Variants in CT83 observed in about 807,000 individuals in gnomAD.
The protein encoded by CT83 is cancer/testis antigen 83, also known as kita-kyushu lung cancer antigen 1.
A neutral mutation model predicts 1.7 loss-of-function variants in CT83; 3 were observed. The observed-to-expected ratio is 1.76, with a 90% CI of 0.80 to 4.55. The LOEUF (loss-of-function observed/expected upper bound fraction) is 4.55, where lower values mean the gene tolerates loss of function less well. Among genes scored for constraint, CT83 ranks in the 30% most tolerant of loss-of-function variants. The pLI, the probability that CT83 is intolerant of heterozygous loss-of-function variation, is 0.02. For missense variants in CT83, 80 were observed against 84.8 expected (o/e 0.94, Z 0.22); for synonymous variants, 35 against 33.0 (o/e 1.06, Z -0.20).
Position 116,462,952 on chromosome X carries a change from T to G in CT83, c.-96A>C. The G allele has an allele frequency of 2.4e-6, 2 of 847,815 alleles. No homozygotes were observed. Among genetic ancestry groups the G allele is most frequent in the Non-Finnish European group, 3.5e-6 (2 of 574,909 alleles). The allele number at this position is 847,815 out of a possible 1,213,427, so 69.9% of individuals were successfully genotyped here. ...TCTAGCCGCCTGGATTTGGGAAACT[T>G]TGGGCCAGGATGCCTGGTGTAACTG... On this transcript the variant is annotated 5_prime_UTR_variant, in exon 1 of 2. Coordinates refer to ENST00000371894, the MANE Select transcript of CT83 (RefSeq NM_001017978.4).
intron 1 of CT83, among the ~76,000 whole-genome samples, chrX:116,462,410 G>A (rs186897406): frequency 9.0e-6 from 1 of 111,628 alleles, no homozygotes; most frequent in Admixed American, 9.5e-5. Context: ...GGTGAGATTA[G>A]CAAACAGACA....
At chrX:116,462,584 G>C (rs1225466104) in intron 1 of CT83, among the ~76,000 whole-genome samples, 198 bp downstream of exon 1, 3 of 111,615 alleles carry the variant, frequency 2.7e-5, no homozygotes, top group African/African-American at 9.8e-5. Flanking sequence ...GACCAGAACT[G>C]TCGAATCACT....
chrX:116,462,956 G>T lies in CT83; in HGVS notation c.-100C>A. On this transcript the variant is annotated 5_prime_UTR_variant, in exon 1 of 2. Coordinates refer to ENST00000371894, the MANE Select transcript of CT83 (RefSeq NM_001017978.4). ...GCCGCCTGGATTTGGGAAACTTTGG[G>T]CCAGGATGCCTGGTGTAACTGGGAA... 1.3e-6 allele frequency: 1 copy of T among 771,446 alleles called. No individual in the cohort carries two copies. Among genetic ancestry groups the T allele is most frequent in the Non-Finnish European group, 2.0e-6 (1 of 507,622 alleles). 63.6% of individuals were successfully genotyped at this position (771,446 alleles called of 1,213,427 possible).
In CT83 at chrX:116,462,758, A is replaced by T. The variant is rs782101821; in HGVS notation, c.75+24T>A. On this transcript the variant is annotated intron_variant, in intron 1 of 1. Coordinates refer to ENST00000371894, the MANE Select transcript of CT83 (RefSeq NM_001017978.4). The stretch of plus-strand genomic sequence containing the variant: ...TACTCATCTAGCTTCATCTAATTCA[A>T]ATCTCCCTTACATTCACCATTACCT... 3.6e-5 allele frequency: 43 copies of T among 1,197,839 alleles called. No homozygotes were observed. The Admixed American group carries it at 9.4e-4, about 26-fold the overall frequency.
Position 116,462,931 on chromosome X carries a change from G to A in CT83, c.-75C>T. ...GTAGTTGGGAAGCAGTGGGCCTCTA[G>A]CCGCCTGGATTTGGGAAACTTTGGG... On this transcript the variant is annotated 5_prime_UTR_variant, in exon 1 of 2. Transcript: ENST00000371894. The A allele has an allele frequency of 9.7e-7, 1 of 1,026,030 alleles. No homozygotes were observed. The highest frequency in any genetic ancestry group is 1.4e-6 in the Non-Finnish European group (1 of 732,327). 84.6% of individuals were successfully genotyped at this position (1,026,030 alleles called of 1,213,427 possible).
At chrX:116,462,125 G>C in intron 1 of CT83, 118 bp from the exon 2 acceptor site, 1 of 569,196 alleles carries the variant, frequency 1.8e-6, no homozygotes, top group South Asian at 3.4e-5. Flanking sequence ...CTAATATGTC[G>C]AGATTAAAAA....
Position 116,461,773 on chromosome X carries a change from T to C in CT83, c.310A>G (p.Arg104Gly). 1 of 1,211,850 alleles carries C rather than the reference T, an allele frequency of 8.3e-7. No homozygotes were observed. Among genetic ancestry groups the C allele is most frequent in the Non-Finnish European group, 1.1e-6 (1 of 895,408 alleles). Residue 104 changes from arginine (R) to glycine (G), a missense_variant, in exon 2 of 2, where the codon AGA becomes GGA. By Grantham distance (125) the Arg-to-Gly change is moderately radical (BLOSUM62 -2). Coordinates refer to ENST00000371894, the MANE Select transcript of CT83 (RefSeq NM_001017978.4). ...GATTTCCGGTGAGGTGATGCACCTC[T>C]GAAACCCTTGCTAAGTAGAGTATGT... is the stretch of plus-strand genomic sequence containing the variant. ...LEHTLLSKGF[R>G]GASPHRKST
rs188661465 is a variant in CT83 at position 116,461,952 on chromosome X, G to A, written c.131C>T (p.Ser44Phe). The A allele has an allele frequency of 8.3e-7, 1 of 1,207,148 alleles. No homozygotes were observed. The highest frequency in any genetic ancestry group is 3.0e-5 in the East Asian group (1 of 33,727). ...NSTALALVRP[S>F]SSGLINSNTD... ...ATTGCTGTTAATTAACCCAGAAGAA[G>A]AGGGTCTCACTAGTGCAAGAGCAGT... The change falls in exon 2 of 2, where the codon TCT becomes TTT. Residue 44 changes from serine to phenylalanine, a missense_variant. Coordinates refer to ENST00000371894, the MANE Select transcript of CT83 (RefSeq NM_001017978.4).
chrX:116,461,975 A>T lies in CT83; in HGVS notation c.108T>A (p.Thr36=), dbSNP rs148767220. The T allele has an allele frequency of 1.7e-6, 2 of 1,210,006 alleles. No individual in the cohort carries two copies. Among genetic ancestry groups the T allele is most frequent in the Non-Finnish European group, 2.2e-6 (2 of 893,811 alleles). The change falls in exon 2 of 2, where the codon ACT becomes ACA. Residue 36 remains threonine (T), a synonymous_variant. Coordinates refer to ENST00000371894, the MANE Select transcript of CT83 (RefSeq NM_001017978.4). ...AAGAGGGTCTCACTAGTGCAAGAGC[A>T]GTTGAATTTGATGACATTTCGCCAG... is the stretch of plus-strand genomic sequence containing the variant. ...RNTGEMSSNS[T]ALALVRPSSS...
At chrX:116,462,645 T>G in intron 1 of CT83, 137 bp downstream of exon 1, 1 of 627,412 alleles carries the variant, frequency 1.6e-6, no homozygotes. Flanking sequence ...TGGGGCTCCT[T>G]TGAGCGAAAA....
rs12720093 is a variant in CT83 at position 116,461,711 on chromosome X, T to C, written c.*30A>G. On this transcript the variant is annotated 3_prime_UTR_variant, in exon 2 of 2. Coordinates refer to ENST00000371894, the MANE Select transcript of CT83 (RefSeq NM_001017978.4). ...TCTACTCAAAGTGTCTTTAATGATT[T>C]CCACCACTGGCATTACATCCTGTAC... is the stretch of plus-strand genomic sequence containing the variant. The C allele has an allele frequency of 2.9e-3, 3,492 of 1,196,775 alleles. 8 individuals are homozygous for C. Among genetic ancestry groups the C allele is most frequent in the Non-Finnish European group, 3.5e-3 (3,085 of 885,846 alleles).
At chrX:116,462,351 C>T (rs1243097233) in intron 1 of CT83, among the ~76,000 whole-genome samples, 1 of 111,641 alleles carries the variant, frequency 9.0e-6, no homozygotes, top group Non-Finnish European at 1.9e-5. Context: ...AATCCACATT[C>T]ACACTCGAAT....
intron 1 of CT83, 36 bp from the exon 2 acceptor site, chrX:116,462,043 C>A: frequency 9.0e-7 from 1 of 1,105,976 alleles, no homozygotes; most frequent in South Asian, 2.0e-5. Context: ...CGTAGTTTAT[C>A]GAATTAAGCA....
Position 116,461,995 on chromosome X carries a change from C to T in CT83, c.88G>A (p.Glu30Lys), listed in dbSNP as rs782474980. The T allele has an allele frequency of 8.3e-7, 1 of 1,208,368 alleles. No homozygotes were observed. Among genetic ancestry groups the T allele is most frequent in the Non-Finnish European group, 1.1e-6 (1 of 892,744 alleles). Residue 30 changes from glutamate to lysine, a missense_variant, in exon 2 of 2, where the codon GAA becomes AAA. Glu to Lys is a moderately conservative substitution (Grantham distance 56). Transcript: ENST00000371894. ...KYRRFQRNTGEMSSNSTALAL... is the reference protein window; with the variant it reads ...KYRRFQRNTGKMSSNSTALAL... ...AGAGCAGTTGAATTTGATGACATTT[C>T]GCCAGTGTTTCTCTGTAAAGAAAGG...
rs781799983 is a variant in CT83 at position 116,462,780 on chromosome X, A to G, written c.75+2T>C. 4.1e-6 allele frequency: 5 copies of G among 1,209,305 alleles called. No individual in the cohort carries two copies. The East Asian group carries it at 1.5e-4, about 36-fold the overall frequency. On this transcript the variant is annotated splice_donor_variant, in intron 1 of 1. Coordinates refer to ENST00000371894, the MANE Select transcript of CT83 (RefSeq NM_001017978.4). LOFTEE classifies it high-confidence loss of function. ...TCAAATCTCCCTTACATTCACCATT[A>G]CCTGAAAGCGGCGATATTTCCAGAA...
chrX:116,462,012 A>G lies in CT83; in HGVS notation c.76-5T>C, dbSNP rs782255184. On this transcript the variant is annotated splice_region_variant and splice_polypyrimidine_tract_variant and intron_variant, in intron 1 of 1. Coordinates refer to ENST00000371894, the MANE Select transcript of CT83 (RefSeq NM_001017978.4). ...TGACATTTCGCCAGTGTTTCTCTGT[A>G]AAGAAAGGGAATTATACATACGTAG... 2 of 1,201,663 alleles carry G rather than the reference A, an allele frequency of 1.7e-6. No individual in the cohort carries two copies. The highest frequency in any genetic ancestry group is 2.3e-6 in the Non-Finnish European group (2 of 886,793).
At position 116,461,856 on chromosome X, in the gene CT83, C is replaced by G. The variant is rs781946735; in HGVS notation, c.227G>C (p.Arg76Thr). The change falls in exon 2 of 2, where the codon AGG becomes ACG. Residue 76 changes from arginine to threonine, a missense_variant. Arg to Thr is a moderately conservative substitution (Grantham distance 71, BLOSUM62 -1). Transcript: ENST00000371894. ...ILNNFPHSIA[R>T]QKRILVNLSM... is the part of the protein sequence containing the mutation. ...GAGGTTTACCAATATTCGCTTCTGC[C>G]TGGCTATTGAGTGTGGGAAATTATT... The G allele has an allele frequency of 5.4e-5, 65 of 1,209,093 alleles. No individual in the cohort carries two copies. Among genetic ancestry groups the G allele is most frequent in the Non-Finnish European group, 7.2e-5 (64 of 894,950 alleles).
Position 116,462,001 on chromosome X carries a change from T to C in CT83, c.82A>G (p.Thr28Ala). 1 of 1,207,190 alleles carries C rather than the reference T, an allele frequency of 8.3e-7. No homozygotes were observed. ...GTTGAATTTGATGACATTTCGCCAG[T>C]GTTTCTCTGTAAAGAAAGGGAATTA... ...FWKYRRFQRN[T>A]GEMSSNSTAL... The change falls in exon 2 of 2, where the codon ACT becomes GCT. Residue 28 changes from threonine (T) to alanine (A), a missense_variant. Transcript: ENST00000371894.
rs182268057 is a variant in CT83 at position 116,462,550 on chromosome X, A to T, written c.75+232T>A. ...GAGTGGAAAGCTGACCATATTACTT[A>T]GGGACTTGGGGCTTTTTAGAAGAGA... On this transcript the variant is annotated intron_variant, in intron 1 of 1. Transcript: ENST00000371894. Among the ~76,000 whole-genome samples the T allele has an allele frequency of 1.8e-4, 20 of 111,720 alleles. No homozygotes were observed. The East Asian group carries it at 4.9e-3, about 27-fold the overall frequency.
Sources: allele counts gnomAD v4.1 joint callset (sites outside exome capture counted in the v4.1 genomes callset), GRCh38; gene constraint gnomAD v4.1.1; transcripts MANE v1.5; gene names NCBI Gene and HGNC (gene_info 2026-07-23, HGNC 2026-07-21).